ZNF536: variants seen among roughly 807,000 people sequenced by gnomAD.
The protein encoded by ZNF536 is zinc finger protein 536.
Under a neutral mutation model 84.5 loss-of-function variants are expected in ZNF536, and 13 were observed. The ratio of observed to expected loss-of-function variants is 0.15; its 90% CI spans 0.10 to 0.24. ZNF536 has a LOEUF of 0.24. Among genes scored for constraint, ZNF536 ranks in the 10% least tolerant of loss-of-function variants. The probability of loss-of-function intolerance (pLI) is 1.00; values close to 1 mark genes in which losing one functional copy is unlikely to be tolerated. For synonymous variants in ZNF536, 811 were observed against 742.5 expected, an observed-to-expected ratio of 1.09 and a Z score of -1.50; for missense variants, 1,536 against 1,747.5, an observed-to-expected ratio of 0.88 and a Z score of 2.16.
At chr19:30,679,788 C>A (rs1461457005) in intron 1 of ZNF536, among the ~76,000 whole-genome samples, 5 of 152,190 alleles carry the variant, frequency 3.3e-5, no homozygotes, top group Non-Finnish European at 7.3e-5. Flanking sequence ...ACATAAAAAC[C>A]TGTTTCTGGC....
chr19:30,626,138 G>A (rs1252864784), intron 1 of ZNF536, among the ~76,000 whole-genome samples: 2 of 152,194 alleles, frequency 1.3e-5, no homozygotes, highest in Non-Finnish European at 2.9e-5. Flanking sequence ...AGCCGGGCAG[G>A]AGACGGCTCC....
rs113938880 is a variant in ZNF536 at position 30,579,533 on chromosome 19, C to A, written c.169+30019C>A. Among the ~76,000 whole-genome samples, 387 of 152,236 alleles carry A rather than the reference C, an allele frequency of 2.5e-3. 1 individual carries two copies. The highest frequency in any genetic ancestry group is 8.9e-3 in the African/African-American group (369 of 41,544). On this transcript the variant is annotated intron_variant, in intron 1 of 1. Coordinates refer to the ZNF536 transcript ENST00000592773. Reference sequence around the variant, plus strand: ...CATGATGGAGGCTCTTCCAAGAGAGCAAATGGAAACGCAGAGGCACTTCTG... The same window carrying A: ...CATGATGGAGGCTCTTCCAAGAGAGAAAATGGAAACGCAGAGGCACTTCTG...
At chr19:30,361,176 A>G (rs922758775) in intron 3 of ZNF536, among the ~76,000 whole-genome samples, 1 of 152,242 alleles carries the variant, frequency 6.6e-6, no homozygotes, top group African/African-American at 2.4e-5. Flanking sequence ...AACCAAAAAA[A>G]AAGGGGACTT....
chr19:30,374,037 G>A (rs1412021301), intron 1 of ZNF536, among the ~76,000 whole-genome samples: 1 of 152,204 alleles, frequency 6.6e-6, no homozygotes, highest in African/African-American at 2.4e-5. Context: ...TATTTCAATG[G>A]GATGGAAGCT....
rs146143433 is a variant in ZNF536, at chr19:30,660,955, G to A, written c.170-49802G>A. 6.3e-4 allele frequency among the ~76,000 whole-genome samples: 96 copies of A among 152,266 alleles called. No individual in the cohort carries two copies. In the East Asian group the frequency reaches 0.017, roughly 27 times the overall value. On this transcript the variant is annotated intron_variant, in intron 1 of 1. Coordinates refer to the ZNF536 transcript ENST00000592773. ...TGCATTTACACATGGCGCCTGTTTC[G>A]TTTTGTGCAAACATTGACCAAATAC... is the stretch of plus-strand genomic sequence containing the variant.
At chr19:30,564,620 C>T (rs561663133) in intron 1 of ZNF536, among the ~76,000 whole-genome samples, 6 of 152,240 alleles carry the variant, frequency 3.9e-5, no homozygotes, top group South Asian at 2.1e-4. Context: ...GACCCCCAAG[C>T]GCAGCCCCTG....
chr19:30,631,168 C>A (rs1036123010), intron 1 of ZNF536, among the ~76,000 whole-genome samples: 1 of 152,194 alleles, frequency 6.6e-6, no homozygotes, highest in East Asian at 1.9e-4. Flanking sequence ...CAGGAGCCGG[C>A]CCTCCCCTCC....
chr19:30,227,463 G>A (rs1175635073), upstream of ZNF536, among the ~76,000 whole-genome samples: 1 of 152,178 alleles, frequency 6.6e-6, no homozygotes, highest in Non-Finnish European at 1.5e-5. Context: ...TGGCAGCGGC[G>A]GCCGGGTTTT....
rs776058785 is a variant in ZNF536, at chr19:30,444,318, C to T, written c.756C>T (p.Ala252=). 144 of 1,588,000 alleles carry T rather than the reference C, an allele frequency of 9.1e-5. No homozygotes were observed. The highest frequency in any genetic ancestry group is 1.1e-4 in the Non-Finnish European group (135 of 1,173,928). ...CTAACCACAGCGTTCCCGACGTGGCCCACCCGGTGCCCTCGCCCAAGCCTG... is the reference window on the plus strand; with the variant it reads ...CTAACCACAGCGTTCCCGACGTGGCTCACCCGGTGCCCTCGCCCAAGCCTG... ...LQANHSVPDV[A]HPVPSPKPAS... Residue 252 remains alanine (A), a synonymous_variant, in exon 2 of 5, where the codon GCC becomes GCT. Coordinates refer to ENST00000355537, the MANE Select transcript of ZNF536 (RefSeq NM_014717.3).
At chr19:30,318,120 CATTTTTTAA>C (rs1355915439) in intron 2 of ZNF536, among the ~76,000 whole-genome samples, 3 of 152,198 alleles carry the variant, frequency 2.0e-5, no homozygotes, top group African/African-American at 4.8e-5. Context: ...CTTGTGATCA[CATTTTTTAA>C]AATGATAAAA....
intron 3 of ZNF536, among the ~76,000 whole-genome samples, chr19:30,538,322 G>A (rs989974548): frequency 1.3e-5 from 2 of 152,136 alleles, no homozygotes; most frequent in African/African-American, 2.4e-5. Flanking sequence ...AAAACCCAAC[G>A]TGTAATATAA....
chr19:30,260,252 G>T (rs944713687), intron 1 of ZNF536, among the ~76,000 whole-genome samples: 2 of 152,210 alleles, frequency 1.3e-5, no homozygotes, highest in Non-Finnish European at 2.9e-5. Flanking sequence ...TAAAGTGTCT[G>T]TTCTTTGACT....
At chr19:30,361,592 G>A (rs1230403137) in intron 3 of ZNF536, among the ~76,000 whole-genome samples, 2 of 152,074 alleles carry the variant, frequency 1.3e-5, no homozygotes, top group African/African-American at 4.8e-5. Flanking sequence ...CGTCAAACAC[G>A]CGCCATGGAC....
At chr19:30,496,541 A>G (rs2054726635) in intron 2 of ZNF536, among the ~76,000 whole-genome samples, 1 of 152,202 alleles carries the variant, frequency 6.6e-6, no homozygotes. Context: ...AGGGAACTGC[A>G]CAAAGTAGGT....
chr19:30,273,930 A>C (rs769422013), intron 1 of ZNF536, among the ~76,000 whole-genome samples: 2 of 152,234 alleles, frequency 1.3e-5, no homozygotes, highest in Non-Finnish European at 2.9e-5. Flanking sequence ...AATGGAAAGA[A>C]ATGCACCAAA....
intron 1 of ZNF536, among the ~76,000 whole-genome samples, chr19:30,392,679 C>CA (rs1041767559): frequency 6.6e-6 from 1 of 152,146 alleles, no homozygotes; most frequent in Non-Finnish European, 1.5e-5. Flanking sequence ...AGCTCCCAAA[C>CA]AAAGAGTTAT....
chr19:30,629,108 C>T (rs910538545), intron 1 of ZNF536, among the ~76,000 whole-genome samples: 7 of 152,326 alleles, frequency 4.6e-5, no homozygotes, highest in African/African-American at 1.7e-4. Flanking sequence ...TTGTGTGGCA[C>T]AGCAGGGTAC....
At chr19:30,635,255 G>A (rs921779135) in intron 1 of ZNF536, among the ~76,000 whole-genome samples, 2 of 152,224 alleles carry the variant, frequency 1.3e-5, no homozygotes, top group African/African-American at 4.8e-5. Context: ...GGCGTGGATT[G>A]GAGATGGTGC....
intron 2 of ZNF536, among the ~76,000 whole-genome samples, chr19:30,472,647 G>A (rs2053684316): frequency 6.6e-6 from 1 of 152,140 alleles, no homozygotes. Flanking sequence ...CTACTGATGT[G>A]ATCAAATGGA....
Sources: allele counts gnomAD v4.1 joint callset (sites outside exome capture counted in the v4.1 genomes callset), GRCh38; gene constraint gnomAD v4.1.1; transcripts MANE v1.5; gene names NCBI Gene and HGNC (gene_info 2026-07-23, HGNC 2026-07-21).